Variants in PPP2R2C observed in about 807,000 individuals in gnomAD.
PPP2R2C encodes the protein protein phosphatase 2, regulatory subunit B, gamma.
PPP2R2C carries 10 observed loss-of-function variants against 45.3 expected under a neutral mutation model. The ratio of observed to expected loss-of-function variants is 0.22; its 90% CI spans 0.14 to 0.37. The LOEUF (loss-of-function observed/expected upper bound fraction) is 0.37, where lower values mean the gene tolerates loss of function less well. PPP2R2C is among the 10% of genes least tolerant of loss of function. The probability of loss-of-function intolerance (pLI) is 1.00; values close to 1 mark genes in which losing one functional copy is unlikely to be tolerated. For synonymous variants in PPP2R2C, 257 were observed against 245.4 expected, an observed-to-expected ratio of 1.05 and a Z score of -0.44; for missense variants, 308 against 619.7, an observed-to-expected ratio of 0.50 and a Z score of 5.34.
intron 1 of PPP2R2C, among the ~76,000 whole-genome samples, chr4:6,416,171 G>GCT (rs1431148038): frequency 2.6e-5 from 2 of 77,794 alleles, no homozygotes; most frequent in South Asian, 4.7e-4. Context: ...AGCCTAACAA[G>GCT]GATAACAACC....
intron 2 of PPP2R2C, among the ~76,000 whole-genome samples, chr4:6,506,007 A>G (rs1173172143): frequency 1.3e-5 from 2 of 152,192 alleles, no homozygotes; most frequent in African/African-American, 4.8e-5. Flanking sequence ...AATAAAATCC[A>G]AGAATGAAAT....
intron 2 of PPP2R2C, among the ~76,000 whole-genome samples, chr4:6,480,161 C>T (rs1292911572): frequency 6.6e-6 from 1 of 152,092 alleles, no homozygotes; most frequent in Non-Finnish European, 1.5e-5. Context: ...TGTTCTATTC[C>T]TTAACATACA....
At chr4:6,424,340 G>A (rs1241698720) in intron 1 of PPP2R2C, among the ~76,000 whole-genome samples, 1 of 152,246 alleles carries the variant, frequency 6.6e-6, no homozygotes, top group Non-Finnish European at 1.5e-5. Flanking sequence ...GGTTCCTCCA[G>A]GTGAAAACAG....
At chr4:6,325,862 G>C (rs112631633) in intron 8 of PPP2R2C, among the ~76,000 whole-genome samples, 3 of 152,210 alleles carry the variant, frequency 2.0e-5, no homozygotes, top group African/African-American at 7.2e-5. Context: ...CCAGTGCTCC[G>C]CTCCTCTTTC....
At chr4:6,325,818 G>A (rs1053663592) in intron 8 of PPP2R2C, among the ~76,000 whole-genome samples, 20 of 152,198 alleles carry the variant, frequency 1.3e-4, no homozygotes, top group African/African-American at 4.8e-4. Flanking sequence ...AGCCTCATCT[G>A]CATGTGGGAC....
chr4:6,482,530 T>C (rs1174941962), intron 2 of PPP2R2C, among the ~76,000 whole-genome samples: 1 of 152,240 alleles, frequency 6.6e-6, no homozygotes, highest in Non-Finnish European at 1.5e-5. Flanking sequence ...TGCCCCTTCT[T>C]ACATGTTCTA....
upstream of PPP2R2C, among the ~76,000 whole-genome samples, chr4:6,476,957 G>A (rs377662795): frequency 1.1e-4 from 16 of 152,280 alleles, no homozygotes; most frequent in East Asian, 2.1e-3. Flanking sequence ...CAGCATTCAT[G>A]TGTACACAAT....
At chr4:6,502,783 C>T (rs1042967850) in intron 2 of PPP2R2C, among the ~76,000 whole-genome samples, 1 of 152,110 alleles carries the variant, frequency 6.6e-6, no homozygotes, top group Non-Finnish European at 1.5e-5. Flanking sequence ...CCGAGCAATA[C>T]CCAACATTTG....
At chr4:6,365,464 A>T (rs962581700) in intron 5 of PPP2R2C, among the ~76,000 whole-genome samples, 10 of 152,184 alleles carry the variant, frequency 6.6e-5, no homozygotes, top group Non-Finnish European at 1.0e-4. Context: ...CTCATCGGCC[A>T]TTCCACCTTT....
chr4:6,502,312 C>G (rs1723085377), intron 2 of PPP2R2C, among the ~76,000 whole-genome samples: 1 of 152,152 alleles, frequency 6.6e-6, no homozygotes, highest in South Asian at 2.1e-4. Context: ...TCCTCTGGGA[C>G]TTCACCTTAA....
intron 2 of PPP2R2C, among the ~76,000 whole-genome samples, chr4:6,488,002 C>A (rs140742623): frequency 8.9e-4 from 136 of 152,256 alleles, no homozygotes; most frequent in African/African-American, 3.1e-3. Flanking sequence ...GCAATGTCCT[C>A]TCTGCTGTTA....
chr4:6,463,215 C>A (rs1361301932), intron 1 of PPP2R2C, among the ~76,000 whole-genome samples: 1 of 152,232 alleles, frequency 6.6e-6, no homozygotes, highest in Non-Finnish European at 1.5e-5. Context: ...TGGGAGCTCG[C>A]TCTCTCTCTG....
intron 5 of PPP2R2C, among the ~76,000 whole-genome samples, chr4:6,371,294 C>T (rs1714808681): frequency 3.3e-5 from 5 of 152,238 alleles, no homozygotes; most frequent in Admixed American, 2.6e-4. Flanking sequence ...CCGCTGTTTT[C>T]CAAGGGTCTC....
chr4:6,390,916 C>A (rs2240266), intron 1 of PPP2R2C, among the ~76,000 whole-genome samples: 33,995 of 151,912 alleles, frequency 0.22, 4,093 homozygotes, highest in African/African-American at 0.32. Flanking sequence ...CCTGGTGAGA[C>A]GTTTCCTCCT....
chr4:6,416,998 C>A (rs1057185558), intron 1 of PPP2R2C, among the ~76,000 whole-genome samples: 1 of 152,198 alleles, frequency 6.6e-6, no homozygotes. Flanking sequence ...TGCTCCACTA[C>A]CCCCTGCTCC....
At chr4:6,400,071 G>A (rs921615617) in intron 1 of PPP2R2C, among the ~76,000 whole-genome samples, 58 of 152,290 alleles carry the variant, frequency 3.8e-4, no homozygotes, top group African/African-American at 1.3e-3. Context: ...TTCATCTTGA[G>A]TTTCACCCAT....
rs372606291 is a variant in PPP2R2C at position 6,424,449 on chromosome 4, C to T, written c.71-43355G>A. Among the ~76,000 whole-genome samples, 163 of 152,320 alleles carry T rather than the reference C, an allele frequency of 1.1e-3. 2 individuals are homozygous for T. Among genetic ancestry groups the T allele is most frequent in the Middle Eastern group, 3.4e-3 (1 of 294 alleles). ...CTTTGTGGTCCTCCATTCAAGCCAC[C>T]GGACACTGCTGAGCCATGTCGGGGC... On this transcript the variant is annotated intron_variant, in intron 1 of 8. Transcript: ENST00000382599.
At chr4:6,479,797 C>A (rs1282447414) in intron 2 of PPP2R2C, among the ~76,000 whole-genome samples, 1 of 151,202 alleles carries the variant, frequency 6.6e-6, no homozygotes, top group East Asian at 2.0e-4. Flanking sequence ...TGTATTATTA[C>A]AATCCCCTAC....
chr4:6,472,402 G>A lies in PPP2R2C; in HGVS notation c.-173C>T, dbSNP rs1375222555. The A allele has an allele frequency of 5.2e-5, 46 of 883,776 alleles. No individual in the cohort carries two copies. The highest frequency in any genetic ancestry group is 5.7e-4 in the Middle Eastern group (1 of 1,766). The allele number at this position is 883,776 out of a possible 1,614,324, so 54.7% of individuals were successfully genotyped here. A position where few individuals can be genotyped will look rare whatever the true frequency, so the allele number is the denominator to read the frequency against. ...GGGACGGGCGGGGGCGGCCGGGGGC[G>A]GGCGCCGCGGTCAAGCGAGCGCGCG... On this transcript the variant is annotated 5_prime_UTR_variant, in exon 1 of 9. Transcript: ENST00000382599.
Sources: gnomAD v4.1 joint callset for allele counts (sites outside exome capture counted in the v4.1 genomes callset) on GRCh38, gnomAD v4.1.1 for gene constraint, MANE v1.5 for transcripts, NCBI Gene and HGNC (gene_info 2026-07-23, HGNC 2026-07-21) for gene names.